The following MACROD2 variants were observed in gnomAD, a reference collection of about 807,000 sequenced individuals.
MACROD2 encodes the protein mono-ADP ribosylhydrolase 2, also known as ADP-ribose glycohydrolase MACROD2.
In MACROD2, 36 loss-of-function variants were observed where a neutral mutation model predicts 70.4. That is an observed-to-expected ratio of 0.51 (90% CI 0.39 to 0.68). The LOEUF (loss-of-function observed/expected upper bound fraction) is 0.68, where lower values mean the gene tolerates loss of function less well. Among genes scored for constraint, MACROD2 ranks in the 30% least tolerant of loss-of-function variants. MACROD2 has a pLI of 0.00. For synonymous variants in MACROD2, 172 were observed against 178.8 expected, an observed-to-expected ratio of 0.96 and a Z score of 0.30; for missense variants, 496 against 538.4, an observed-to-expected ratio of 0.92 and a Z score of 0.78.
intron 5 of MACROD2, among the ~76,000 whole-genome samples, chr20:14,875,274 G>T (rs2073537389): frequency 6.6e-6 from 1 of 151,908 alleles, no homozygotes; most frequent in Non-Finnish European, 1.5e-5. Flanking sequence ...CCAACTACTT[G>T]GGAGGCTGTG....
chr20:14,541,284 C>A (rs1319348911), intron 4 of MACROD2, among the ~76,000 whole-genome samples: 4 of 152,032 alleles, frequency 2.6e-5, no homozygotes, highest in African/African-American at 9.7e-5. Flanking sequence ...TTAAGGTCTT[C>A]CCATTTGGTC....
At chr20:15,561,690 G>A (rs2048246180) in intron 8 of MACROD2, among the ~76,000 whole-genome samples, 1 of 152,058 alleles carries the variant, frequency 6.6e-6, no homozygotes, top group South Asian at 2.1e-4. Context: ...AGTGCCTTTG[G>A]CTTTTGTTAT....
intron 4 of MACROD2, among the ~76,000 whole-genome samples, chr20:14,681,607 A>G (rs2070933469): frequency 6.6e-6 from 1 of 152,160 alleles, no homozygotes; most frequent in South Asian, 2.1e-4. Flanking sequence ...TTGAATGGAA[A>G]GGGCACAAGG....
chr20:15,130,077 C>G (rs1347814517), intron 5 of MACROD2, among the ~76,000 whole-genome samples: 2 of 152,058 alleles, frequency 1.3e-5, no homozygotes, highest in African/African-American at 4.8e-5. Flanking sequence ...TATGCAGGAC[C>G]CATATTGTGT....
In MACROD2 at chr20:14,736,772, C is replaced by T. The variant is rs144869145; in HGVS notation, c.418+51813C>T. Among the ~76,000 whole-genome samples the T allele has an allele frequency of 8.8e-4, 134 of 152,228 alleles. No homozygotes were observed. The Middle Eastern group carries it at 0.02, about 23-fold the overall frequency. ...TTTATGACTTATATAACATCACATA[C>T]ATGGTTAATAAGAGATTTGATTCTA... On this transcript the variant is annotated intron_variant, in intron 5 of 17. Coordinates refer to ENST00000684519, the MANE Select transcript of MACROD2 (RefSeq NM_001351661.2).
chr20:14,395,085 T>C (rs1181139836), intron 3 of MACROD2, among the ~76,000 whole-genome samples: 1 of 152,076 alleles, frequency 6.6e-6, no homozygotes, highest in African/African-American at 2.4e-5. Flanking sequence ...AGTAGAGCAA[T>C]GTTGATCTCA....
At chr20:15,604,891 T>G (rs557858477) in intron 8 of MACROD2, among the ~76,000 whole-genome samples, 2 of 152,338 alleles carry the variant, frequency 1.3e-5, no homozygotes, top group East Asian at 3.9e-4. Context: ...TGTCCACCCT[T>G]CTTTCCCTTT....
intron 8 of MACROD2, among the ~76,000 whole-genome samples, chr20:15,508,759 A>C (rs1449366159): frequency 4.6e-5 from 7 of 152,168 alleles, no homozygotes; most frequent in African/African-American, 1.7e-4. Context: ...GGAATAAAAA[A>C]TGGTGGTGAA....
At chr20:15,527,040 T>TA (rs970499827) in intron 8 of MACROD2, among the ~76,000 whole-genome samples, 1 of 152,230 alleles carries the variant, frequency 6.6e-6, no homozygotes, top group Non-Finnish European at 1.5e-5. Context: ...AAATATTATG[T>TA]AAAATAAAAC....
intron 10 of MACROD2, chr20:15,892,782 G>A (rs757558220): frequency 2.3e-5 from 9 of 391,882 alleles, no homozygotes; most frequent in African/African-American, 8.3e-5. Context: ...CCAGAATTTC[G>A]CTCAGCCATG....
intron 5 of MACROD2, among the ~76,000 whole-genome samples, chr20:14,984,363 G>A (rs2095789267): frequency 6.6e-6 from 1 of 152,104 alleles, no homozygotes; most frequent in South Asian, 2.1e-4. Flanking sequence ...TTGTTGGTTG[G>A]TTAATTTTTT....
chr20:15,223,760 C>G (rs2076881257), intron 5 of MACROD2, among the ~76,000 whole-genome samples: 1 of 152,140 alleles, frequency 6.6e-6, no homozygotes, highest in Admixed American at 6.5e-5. Flanking sequence ...TGCATTATAG[C>G]TGTTTTAAGA....
At chr20:15,501,192 A>G (rs939457543) in intron 8 of MACROD2, among the ~76,000 whole-genome samples, 1 of 152,210 alleles carries the variant, frequency 6.6e-6, no homozygotes. Flanking sequence ...GTTATCTTCA[A>G]TATATTGCTT....
At chr20:14,185,876 C>T (rs1335093799) in intron 3 of MACROD2, among the ~76,000 whole-genome samples, 1 of 152,100 alleles carries the variant, frequency 6.6e-6, no homozygotes, top group Non-Finnish European at 1.5e-5. Flanking sequence ...AGTAAGTGTG[C>T]AAAATACTAC....
chr20:14,051,664 TA>T, intron 2 of MACROD2: 1 of 339,456 alleles, frequency 2.9e-6, no homozygotes, highest in Non-Finnish European at 5.7e-6. Flanking sequence ...AGTCAGCATA[TA>T]AATAAAATAA....
At chr20:14,924,818 A>T (rs1301590921) in intron 5 of MACROD2, among the ~76,000 whole-genome samples, 2 of 152,098 alleles carry the variant, frequency 1.3e-5, no homozygotes, top group African/African-American at 4.8e-5. Flanking sequence ...TCTATCACCC[A>T]ATTTCTTGTC....
intron 8 of MACROD2, among the ~76,000 whole-genome samples, chr20:15,693,257 G>T (rs8118398): frequency 0.043 from 6,552 of 152,198 alleles, 286 homozygotes; most frequent in East Asian, 0.21. Flanking sequence ...TTCTGGCTTT[G>T]GGGCTAAACA....
At chr20:15,095,163 G>A (rs929066987) in intron 5 of MACROD2, among the ~76,000 whole-genome samples, 18 of 135,664 alleles carry the variant, frequency 1.3e-4, no homozygotes, top group South Asian at 2.5e-4. Context: ...TGCAAGCTCC[G>A]CCTCCCAGGT....
At chr20:14,701,780 A>G (rs976295375) in intron 5 of MACROD2, among the ~76,000 whole-genome samples, 1 of 152,144 alleles carries the variant, frequency 6.6e-6, no homozygotes, top group Non-Finnish European at 1.5e-5. Context: ...CTAACAAAAC[A>G]TGGTGATCAC....
Sources: gnomAD v4.1 joint callset for allele counts (sites outside exome capture counted in the v4.1 genomes callset) on GRCh38, gnomAD v4.1.1 for gene constraint, MANE v1.5 for transcripts, NCBI Gene and HGNC (gene_info 2026-07-23, HGNC 2026-07-21) for gene names.